UBASH3B: variants seen among roughly 807,000 people sequenced by gnomAD.
UBASH3B encodes ubiquitin associated and SH3 domain containing B.
Under a neutral mutation model 83.4 loss-of-function variants are expected in UBASH3B, and 37 were observed. That is an observed-to-expected ratio of 0.44 (90% CI 0.34 to 0.58). The LOEUF (loss-of-function observed/expected upper bound fraction) is 0.58, where lower values mean the gene tolerates loss of function less well. UBASH3B is among the 20% of genes least tolerant of loss of function. The probability of loss-of-function intolerance (pLI) is 0.01; values close to 1 mark genes in which losing one functional copy is unlikely to be tolerated. For synonymous variants in UBASH3B, 304 were observed against 318.3 expected, an observed-to-expected ratio of 0.96 and a Z score of 0.48; for missense variants, 657 against 827.2, an observed-to-expected ratio of 0.79 and a Z score of 2.52.
At chr11:122,713,132 C>T (rs1801832500) in intron 1 of UBASH3B, among the ~76,000 whole-genome samples, 1 of 151,970 alleles carries the variant, frequency 6.6e-6, no homozygotes, top group Non-Finnish European at 1.5e-5. Flanking sequence ...TGGTCTTGAT[C>T]TCCTGACCTT....
chr11:122,749,256 A>G (rs921263103), intron 1 of UBASH3B, among the ~76,000 whole-genome samples: 5 of 152,266 alleles, frequency 3.3e-5, no homozygotes, highest in Admixed American at 2.6e-4. Flanking sequence ...CCTGGAATGT[A>G]GTTATTGCAA....
At chr11:122,726,510 C>G (rs772238963) in intron 1 of UBASH3B, among the ~76,000 whole-genome samples, 9 of 151,878 alleles carry the variant, frequency 5.9e-5, no homozygotes, top group Non-Finnish European at 1.0e-4. Context: ...CTACCATGCC[C>G]GGCTAATTTT....
In UBASH3B at chr11:122,690,199, T is replaced by TCCA. The variant is rs1374049597; in HGVS notation, c.161+33989_161+33990insCCA. 9.9e-3 allele frequency among the ~76,000 whole-genome samples: 281 copies of TCCA among 28,472 alleles called. 6 individuals are homozygous for TCCA. The highest frequency in any genetic ancestry group is 0.062 in the South Asian group (50 of 806). The allele number at this position is 28,472 out of a possible 152,430, so 18.7% of individuals were successfully genotyped here. A position where few individuals can be genotyped will look rare whatever the true frequency, so the allele number is the denominator to read the frequency against. ...ATATATATATATATATATATATATA[T>TCCA]ATATATATATCCAATTATATATATA... On this transcript the variant is annotated intron_variant, in intron 1 of 13. Transcript: ENST00000284273.
At chr11:122,667,873 G>A (rs187177344) in intron 1 of UBASH3B, among the ~76,000 whole-genome samples, 6 of 152,246 alleles carry the variant, frequency 3.9e-5, no homozygotes, top group African/African-American at 7.2e-5. Context: ...GATCCCACAC[G>A]GCTAGTCTGT....
intron 11 of UBASH3B, among the ~76,000 whole-genome samples, chr11:122,803,546 G>C (rs536786058): frequency 1.6e-4 from 23 of 143,832 alleles, no homozygotes; most frequent in Non-Finnish European, 3.2e-4. Flanking sequence ...CCAGGGCCTG[G>C]GGGGGTTGAA....
chr11:122,703,075 G>A (rs575330009), intron 1 of UBASH3B, among the ~76,000 whole-genome samples: 1 of 152,020 alleles, frequency 6.6e-6, no homozygotes, highest in African/African-American at 2.4e-5. Flanking sequence ...CCCACAGCAG[G>A]TACTTAGTAG....
chr11:122,758,359 G>C lies in UBASH3B; in HGVS notation c.162-17860G>C, dbSNP rs543980463. Among the ~76,000 whole-genome samples the C allele has an allele frequency of 1.3e-5, 2 of 152,374 alleles. No individual in the cohort carries two copies. Among genetic ancestry groups the C allele is most frequent in the African/African-American group, 2.4e-5 (1 of 41,596 alleles). On this transcript the variant is annotated intron_variant, in intron 1 of 13. Coordinates refer to ENST00000284273, the MANE Select transcript of UBASH3B (RefSeq NM_032873.5). The surrounding 1 kb of genome is among the most constrained non-coding windows in gnomAD (Gnocchi z 4.2). ...AACCTTTCTTAGCAGCTTAGCAGTG[G>C]TGGAACGGGCAGAGTAGAATTTCCT...
At chr11:122,724,918 G>A (rs545998654) in intron 1 of UBASH3B, among the ~76,000 whole-genome samples, 76 of 152,058 alleles carry the variant, frequency 5.0e-4, no homozygotes, top group Admixed American at 1.2e-3. Flanking sequence ...GGGAGTGTTC[G>A]AAGAACAGGC....
intron 1 of UBASH3B, among the ~76,000 whole-genome samples, chr11:122,686,366 T>G (rs900165732): frequency 5.3e-5 from 8 of 152,214 alleles, no homozygotes; most frequent in South Asian, 2.1e-4. Context: ...GACAGCAGAC[T>G]CAGGTACAAT....
At chr11:122,733,709 A>G (rs1860883516) in intron 1 of UBASH3B, among the ~76,000 whole-genome samples, 1 of 152,228 alleles carries the variant, frequency 6.6e-6, no homozygotes, top group Admixed American at 6.5e-5. Flanking sequence ...TATTGTAATG[A>G]TAAGAGTATA....
In UBASH3B at chr11:122,771,942, A is replaced by G. The variant is rs184555213; in HGVS notation, c.162-4277A>G. ...CCTGTTCCACATTGATTTTCGCTGG[A>G]TACTTGGTTTTTATTACAACAGTTG... On this transcript the variant is annotated intron_variant, in intron 1 of 13. Coordinates refer to ENST00000284273, the MANE Select transcript of UBASH3B (RefSeq NM_032873.5). 1.7e-3 allele frequency among the ~76,000 whole-genome samples: 259 copies of G among 152,250 alleles called. 2 individuals carry two copies. The highest frequency in any genetic ancestry group is 6.1e-3 in the African/African-American group (255 of 41,546).
chr11:122,738,231 A>G (rs1860966429), intron 1 of UBASH3B, among the ~76,000 whole-genome samples: 1 of 152,202 alleles, frequency 6.6e-6, no homozygotes, highest in Admixed American at 6.5e-5. Flanking sequence ...ATTGCATTGT[A>G]TTTAGATTGG....
intron 1 of UBASH3B, among the ~76,000 whole-genome samples, chr11:122,766,468 C>T (rs11603826): frequency 6.5e-4 from 99 of 152,310 alleles, no homozygotes; most frequent in African/African-American, 2.2e-3. Context: ...TGGCGTGAAC[C>T]CGGGAGGCGG....
chr11:122,766,289 G>A (rs1204734952), intron 1 of UBASH3B, among the ~76,000 whole-genome samples: 2 of 152,232 alleles, frequency 1.3e-5, no homozygotes, highest in African/African-American at 2.4e-5. Context: ...GCTCATGCCT[G>A]TAATCCCAGC....
At chr11:122,783,636 A>C (rs1186304227) in intron 5 of UBASH3B, among the ~76,000 whole-genome samples, 2 of 151,836 alleles carry the variant, frequency 1.3e-5, no homozygotes, top group African/African-American at 4.8e-5. Context: ...CAAAAAACAA[A>C]AACACTTGCA....
chr11:122,722,382 G>A (rs949330255), intron 1 of UBASH3B, among the ~76,000 whole-genome samples: 7 of 152,198 alleles, frequency 4.6e-5, no homozygotes, highest in African/African-American at 1.4e-4. Flanking sequence ...TTTGCTGCAC[G>A]GGTCCATTTC....
At chr11:122,700,610 C>T (rs904722669) in intron 1 of UBASH3B, among the ~76,000 whole-genome samples, 3 of 151,112 alleles carry the variant, frequency 2.0e-5, no homozygotes, top group Non-Finnish European at 2.9e-5. Context: ...AATTCTCCTG[C>T]CTCAGCCTCC....
intron 1 of UBASH3B, among the ~76,000 whole-genome samples, chr11:122,737,393 C>A (rs1192152724): frequency 1.3e-5 from 2 of 152,036 alleles, no homozygotes; most frequent in African/African-American, 4.8e-5. Context: ...TTAGGAGGCA[C>A]ACATGGACAG....
At chr11:122,757,337 A>T (rs1828688601) in intron 1 of UBASH3B, among the ~76,000 whole-genome samples, 1 of 152,174 alleles carries the variant, frequency 6.6e-6, no homozygotes. Flanking sequence ...TGAGGCTATA[A>T]GAAGTTGGCA....
Sources: gnomAD v4.1 joint callset for allele counts (sites outside exome capture counted in the v4.1 genomes callset) on GRCh38, gnomAD v4.1.1 for gene constraint, Gnocchi (gnomAD v3.1) non-coding constraint, MANE v1.5 for transcripts, NCBI Gene and HGNC (gene_info 2026-07-23, HGNC 2026-07-21) for gene names.